Variants in GAB1 observed in about 807,000 individuals in gnomAD.
GAB1 encodes GRB2 associated binding protein 1, also known as GRB2-associated-binding protein 1.
A neutral mutation model predicts 66.5 loss-of-function variants in GAB1; 19 were observed. The ratio of observed to expected loss-of-function variants is 0.29; its 90% CI spans 0.20 to 0.42. The LOEUF is 0.42. GAB1 is among the 10% of genes least tolerant of loss of function. The pLI is 1.00. For synonymous variants in GAB1, 294 were observed against 301.4 expected (o/e 0.98, Z 0.25); for missense variants, 732 against 858.5 (o/e 0.85, Z 1.84).
At chr4:143,425,959 A>T in intron 2 of GAB1, 1 of 815,402 alleles carries the variant, frequency 1.2e-6, no homozygotes. Context: ...CTTAAGCAAC[A>T]TGGAAAATAA....
In GAB1 at chr4:143,469,168, G is replaced by A. The variant is rs149543731; in HGVS notation, c.2064G>A (p.Thr688=). 2.9e-5 allele frequency: 47 copies of A among 1,614,080 alleles called. No homozygotes were observed. In the African/African-American group the frequency reaches 4.5e-4, roughly 16 times the overall value. ...TDGRQSTESE[T]PAKSVK The stretch of plus-strand genomic sequence containing the variant: ...GGAGACAGTCCACAGAATCAGAAAC[G>A]CCAGCGAAGAGTGTGAAATGAAAAT... The change falls in exon 10 of 10, where the codon ACG becomes ACA. Residue 688 remains threonine (T), a synonymous_variant. Transcript: ENST00000262994.
At chr4:143,434,580 TCCTGG>T in intron 3 of GAB1, among the ~76,000 whole-genome samples, 1 of 143,632 alleles carries the variant, frequency 7.0e-6, no homozygotes, top group Non-Finnish European at 1.5e-5. Context: ...GATCTCAAAC[TCCTGG>T]CCTCAAACAG....
chr4:143,426,811 A>C (rs13112122), intron 2 of GAB1, among the ~76,000 whole-genome samples: 37,374 of 152,214 alleles, frequency 0.25, 4,921 homozygotes, highest in South Asian at 0.31. Context: ...CTTGTGGTAC[A>C]TTTATGAATA....
chr4:143,431,666 G>A lies in GAB1; in HGVS notation c.368-1825G>A, dbSNP rs575229169. Among the ~76,000 whole-genome samples the A allele has an allele frequency of 2.0e-5, 3 of 152,292 alleles. No homozygotes were observed. The South Asian group carries it at 6.2e-4, about 32-fold the overall frequency. ...TAGATATCAAACCAGAAAGGACTCT[G>A]CCTGAGCTAGGATTGAGCCTGGGCC... On this transcript the variant is annotated intron_variant, in intron 2 of 9. Coordinates refer to ENST00000262994, the MANE Select transcript of GAB1 (RefSeq NM_002039.4).
intron 1 of GAB1, among the ~76,000 whole-genome samples, chr4:143,408,504 G>A (rs1234630292): frequency 6.6e-6 from 1 of 152,022 alleles, no homozygotes; most frequent in African/African-American, 2.4e-5. Context: ...CACACAAATG[G>A]AAGTATATAC....
At chr4:143,396,983 G>A (rs1731487262) in intron 1 of GAB1, among the ~76,000 whole-genome samples, 1 of 152,140 alleles carries the variant, frequency 6.6e-6, no homozygotes, top group Non-Finnish European at 1.5e-5. Flanking sequence ...GGTAAGAGAA[G>A]AATAACCAGC....
chr4:143,395,146 G>T (rs1187962892), intron 1 of GAB1: 1 of 152,158 alleles, frequency 6.6e-6, no homozygotes, highest in Non-Finnish European at 1.5e-5. Context: ...TTTAGATAAG[G>T]TTAGGACTTT....
chr4:143,372,732 G>A (rs1378326651), intron 1 of GAB1, among the ~76,000 whole-genome samples: 1 of 152,194 alleles, frequency 6.6e-6, no homozygotes, highest in African/African-American at 2.4e-5. Context: ...TTGGCAAGTG[G>A]AAACTTGTTC....
chr4:143,354,188 G>A (rs968265925), intron 1 of GAB1, among the ~76,000 whole-genome samples: 3 of 152,130 alleles, frequency 2.0e-5, no homozygotes, highest in African/African-American at 7.2e-5. Context: ...CTTCATTTCA[G>A]GTGACCTTAT....
intron 1 of GAB1, among the ~76,000 whole-genome samples, chr4:143,404,625 C>G (rs989300855): frequency 6.6e-6 from 1 of 152,092 alleles, no homozygotes. Flanking sequence ...GTGGCATGCA[C>G]GTGTGGTCCC....
At chr4:143,337,900 C>T (rs566719740) in intron 1 of GAB1, among the ~76,000 whole-genome samples, 2 of 152,160 alleles carry the variant, frequency 1.3e-5, no homozygotes, top group Non-Finnish European at 2.9e-5. Flanking sequence ...GAGTTTGGCC[C>T]GGGAGCCTTG....
chr4:143,438,038 A>C lies in GAB1; in HGVS notation c.633A>C (p.Thr211=). The change falls in exon 4 of 10, where the codon ACA becomes ACC. Residue 211 remains threonine, a synonymous_variant. Coordinates refer to ENST00000262994, the MANE Select transcript of GAB1 (RefSeq NM_002039.4). The part of the protein sequence containing the change: ...ADSAKSTSSE[T]DCNDNVPSHK... ...CTGCAAAATCCACCTCTTCTGAAAC[A>C]GACTGCAATGATAACGTCCCTTCTC... The C allele has an allele frequency of 1.2e-6, 2 of 1,613,998 alleles. No homozygotes were observed. Among genetic ancestry groups the C allele is most frequent in the Non-Finnish European group, 1.7e-6 (2 of 1,179,902 alleles).
chr4:143,444,599 T>C (rs760621963), intron 6 of GAB1, among the ~76,000 whole-genome samples: 64 of 152,260 alleles, frequency 4.2e-4, no homozygotes, highest in Middle Eastern at 3.4e-3. Context: ...TTTTTAAAAT[T>C]TTTATTCTTT....
chr4:143,409,405 A>ATC (rs1732246294), intron 1 of GAB1, among the ~76,000 whole-genome samples: 1 of 145,548 alleles, frequency 6.9e-6, no homozygotes, highest in Non-Finnish European at 1.5e-5. Context: ...CCGCTCTGAA[A>ATC]TCTTTTCATT....
chr4:143,353,328 A>G (rs1036437189), intron 1 of GAB1, among the ~76,000 whole-genome samples: 1 of 152,244 alleles, frequency 6.6e-6, no homozygotes, highest in Non-Finnish European at 1.5e-5. Context: ...AAGTGGGTCT[A>G]CTTGACTGAA....
chr4:143,363,899 G>A (rs982755486), intron 1 of GAB1, among the ~76,000 whole-genome samples: 2 of 152,142 alleles, frequency 1.3e-5, no homozygotes, highest in East Asian at 1.9e-4. Flanking sequence ...ATCATCCCTC[G>A]AGAATGACTT....
In GAB1 at chr4:143,337,108, G is replaced by A. The variant is rs879894314; in HGVS notation, c.-81G>A. 4 of 1,289,866 alleles carry A rather than the reference G, an allele frequency of 3.1e-6. No individual in the cohort carries two copies. The highest frequency in any genetic ancestry group is 4.3e-6 in the Non-Finnish European group (4 of 924,808). 79.9% of individuals were successfully genotyped at this position (1,289,866 alleles called of 1,614,324 possible). ...AGGAGAGCTAGGTTCTCGCCACTGC[G>A]CGCTCGGCAGGCGTCGGCTGTGTCG... On this transcript the variant is annotated 5_prime_UTR_variant, in exon 1 of 10. Coordinates refer to ENST00000262994, the MANE Select transcript of GAB1 (RefSeq NM_002039.4).
intron 8 of GAB1, among the ~76,000 whole-genome samples, chr4:143,463,521 G>T (rs1205577744): frequency 6.6e-6 from 1 of 151,428 alleles, no homozygotes; most frequent in Non-Finnish European, 1.5e-5. Flanking sequence ...TACTCGGGAG[G>T]CTGAGGCAGG....
At chr4:143,395,689 G>A in intron 1 of GAB1, 1 of 326,020 alleles carries the variant, frequency 3.1e-6, no homozygotes, top group African/African-American at 2.2e-5. Flanking sequence ...ATTATAAAAG[G>A]GCATTATAAT....
Sources: gnomAD v4.1 joint callset for allele counts (sites outside exome capture counted in the v4.1 genomes callset) on GRCh38, gnomAD v4.1.1 for gene constraint, MANE v1.5 for transcripts, NCBI Gene and HGNC (gene_info 2026-07-23, HGNC 2026-07-21) for gene names.